BICD1: variants seen among roughly 807,000 people sequenced by gnomAD.
BICD1 encodes protein bicaudal D homolog 1.
Under a neutral mutation model 92.5 loss-of-function variants are expected in BICD1, and 35 were observed. The ratio of observed to expected loss-of-function variants is 0.38; its 90% CI spans 0.29 to 0.50. The LOEUF is 0.50. BICD1 is among the 20% of genes least tolerant of loss of function. BICD1 has a pLI of 0.93. For synonymous variants in BICD1, 429 were observed against 465.1 expected (o/e 0.92, Z 1.00); for missense variants, 950 against 1,189.8 (o/e 0.80, Z 2.97).
intron 1 of BICD1, among the ~76,000 whole-genome samples, chr12:32,182,222 C>G (rs954096692): frequency 6.6e-6 from 1 of 150,742 alleles, no homozygotes; most frequent in African/African-American, 2.4e-5. Context: ...TTTCCTATGA[C>G]ACAGACCATT....
At chr12:32,358,732 C>A (rs1939214191) in intron 8 of BICD1, among the ~76,000 whole-genome samples, 1 of 151,218 alleles carries the variant, frequency 6.6e-6, no homozygotes, top group Admixed American at 6.6e-5. Flanking sequence ...TGAGACTCCA[C>A]CTCAGAAAAA....
chr12:32,358,720 A>C (rs1939213858), intron 8 of BICD1, among the ~76,000 whole-genome samples: 1 of 151,946 alleles, frequency 6.6e-6, no homozygotes, highest in African/African-American at 2.4e-5. Context: ...CTGGCGACAG[A>C]GTGAGACTCC....
At chr12:32,289,389 TTGTG>T (rs997525123) in intron 2 of BICD1, among the ~76,000 whole-genome samples, 1 of 152,176 alleles carries the variant, frequency 6.6e-6, no homozygotes, top group African/African-American at 2.4e-5. Context: ...TGTTGTTTGT[TTGTG>T]TGTTTGTTTG....
chr12:32,321,860 G>A (rs936254993), intron 4 of BICD1, among the ~76,000 whole-genome samples: 16 of 152,184 alleles, frequency 1.1e-4, no homozygotes, highest in Admixed American at 3.9e-4. Context: ...TTAGCCAGGC[G>A]CAGTGGCAGA....
At chr12:32,343,428 G>A (rs1273400306) in intron 8 of BICD1, among the ~76,000 whole-genome samples, 3 of 152,024 alleles carry the variant, frequency 2.0e-5, no homozygotes. Flanking sequence ...ATACGTAAAG[G>A]GAATCCATGT....
intron 1 of BICD1, among the ~76,000 whole-genome samples, chr12:32,203,786 C>T (rs896646892): frequency 1.2e-5 from 1 of 85,126 alleles, no homozygotes; most frequent in Non-Finnish European, 2.9e-5. Flanking sequence ...CTTCTTTGGC[C>T]TCTCTTCTTT....
chr12:32,342,204 G>GTATATATATATA (rs3075972), intron 8 of BICD1, among the ~76,000 whole-genome samples: 33 of 119,308 alleles, frequency 2.8e-4, no homozygotes, highest in Non-Finnish European at 4.2e-4. Context: ...GTGTGTGTGT[G>GTATATATATATA]TATATATATA....
intron 1 of BICD1, among the ~76,000 whole-genome samples, chr12:32,135,826 A>G (rs1346509310): frequency 1.3e-5 from 2 of 151,842 alleles, no homozygotes; most frequent in East Asian, 3.9e-4. Context: ...GTGAGTTTTG[A>G]CTTTTGATTG....
intron 1 of BICD1, among the ~76,000 whole-genome samples, chr12:32,141,166 G>A (rs567724897): frequency 2.6e-5 from 4 of 152,220 alleles, no homozygotes; most frequent in African/African-American, 9.6e-5. Context: ...AACATAAGGC[G>A]CTCCATCTGC....
intron 2 of BICD1, among the ~76,000 whole-genome samples, chr12:32,239,574 T>A (rs569329394): frequency 4.0e-5 from 6 of 150,264 alleles, no homozygotes; most frequent in African/African-American, 1.2e-4. Context: ...CGGCTCACGA[T>A]CGTTAGCGTT....
intron 3 of BICD1, among the ~76,000 whole-genome samples, chr12:32,297,577 G>T (rs959702743): frequency 1.3e-5 from 2 of 152,098 alleles, no homozygotes; most frequent in Non-Finnish European, 2.9e-5. Context: ...AGTAGCATTC[G>T]GTCACAAAAT....
rs1338307248 is a variant in BICD1, at chr12:32,107,053, C to G, written c.-279C>G. ...CGGGCCATGCCGCACGGCTGCTGAC[C>G]GCACGCAGGGGCCGGCCCCGAGGAC... On this transcript the variant is annotated 5_prime_UTR_variant, in exon 1 of 10. Transcript: ENST00000652176. 1 of 414,356 alleles carries G rather than the reference C, an allele frequency of 2.4e-6. No homozygotes were observed. The highest frequency in any genetic ancestry group is 4.4e-6 in the Non-Finnish European group (1 of 228,050). 25.7% of individuals were successfully genotyped at this position (414,356 alleles called of 1,614,324 possible). A position where few individuals can be genotyped will look rare whatever the true frequency, so the allele number is the denominator to read the frequency against.
chr12:32,205,811 C>T (rs71457617), intron 1 of BICD1, among the ~76,000 whole-genome samples: 1 of 151,158 alleles, frequency 6.6e-6, no homozygotes, highest in Non-Finnish European at 1.5e-5. Context: ...TTTTCTCATC[C>T]CTGTGTAATC....
chr12:32,184,112 A>C (rs1037455129), intron 1 of BICD1, among the ~76,000 whole-genome samples: 5 of 152,160 alleles, frequency 3.3e-5, no homozygotes, highest in African/African-American at 1.2e-4. Flanking sequence ...CTGTTGAAGA[A>C]GGCTGAGAAT....
chr12:32,268,277 C>T (rs576318273), intron 2 of BICD1, among the ~76,000 whole-genome samples: 18 of 152,218 alleles, frequency 1.2e-4, no homozygotes, highest in Admixed American at 4.6e-4. Flanking sequence ...AGAAGGGATG[C>T]GCCAGGATGG....
At chr12:32,236,896 T>TC (rs1565608576) in intron 2 of BICD1, among the ~76,000 whole-genome samples, 10 of 135,340 alleles carry the variant, frequency 7.4e-5, no homozygotes, top group Non-Finnish European at 9.3e-5. Flanking sequence ...TTTTTTTTTT[T>TC]CAGAGTCTTG....
chr12:32,107,243 C>T lies in BICD1; in HGVS notation c.-89C>T. On this transcript the variant is annotated 5_prime_UTR_variant, in exon 1 of 10. Coordinates refer to ENST00000652176, the MANE Select transcript of BICD1 (RefSeq NM_001714.4). ...CACTTTCTTTTCCGTTTCCACCCAT[C>T]CCTTCCCATTTCCTTCTCCCTTTCC... 5 of 1,226,942 alleles carry T rather than the reference C, an allele frequency of 4.1e-6. 1 individual carries two copies. The highest frequency in any genetic ancestry group is 2.9e-5 in the South Asian group (2 of 68,418). 76.0% of individuals were successfully genotyped at this position (1,226,942 alleles called of 1,614,324 possible). A position where few individuals can be genotyped will look rare whatever the true frequency, so the allele number is the denominator to read the frequency against.
intron 2 of BICD1, chr12:32,227,979 C>T (rs938699227): frequency 1.3e-5 from 3 of 226,046 alleles, no homozygotes; most frequent in Non-Finnish European, 2.9e-5. Context: ...TCTTCTTGGA[C>T]AGAAAGATGA....
chr12:32,228,246 T>C (rs1945763959), intron 2 of BICD1: 1 of 152,662 alleles, frequency 6.6e-6, no homozygotes, highest in Admixed American at 6.5e-5. Context: ...GTTCCTTTTT[T>C]TGGCATATAA....
Sources: gnomAD v4.1 joint callset for allele counts (sites outside exome capture counted in the v4.1 genomes callset) on GRCh38, gnomAD v4.1.1 for gene constraint, MANE v1.5 for transcripts, NCBI Gene and HGNC (gene_info 2026-07-23, HGNC 2026-07-21) for gene names.